PPARA: variants seen among roughly 807,000 people sequenced by gnomAD.
PPARA encodes peroxisome proliferator-activated receptor alpha.
PPARA carries 22 observed loss-of-function variants against 42.2 expected under a neutral mutation model. That is an observed-to-expected ratio of 0.52 (90% CI 0.37 to 0.74). The LOEUF (loss-of-function observed/expected upper bound fraction) is 0.74. Among genes scored for constraint, PPARA ranks in the 30% least tolerant of loss-of-function variants. The probability of loss-of-function intolerance (pLI) is 0.00; values close to 1 mark genes in which losing one functional copy is unlikely to be tolerated. For missense variants in PPARA, 465 were observed against 608.2 expected (o/e 0.76, Z 2.48); for synonymous variants, 242 against 239.3 (o/e 1.01, Z -0.10).
At chr22:46,217,366 A>G (rs996241239) in intron 5 of PPARA, among the ~76,000 whole-genome samples, 2 of 152,192 alleles carry the variant, frequency 1.3e-5, no homozygotes, top group African/African-American at 4.8e-5. Flanking sequence ...ACCTTTGAAA[A>G]AGCTCCTTAT....
Position 46,204,558 on chromosome 22 carries a change from A to G in PPARA, c.208+5967A>G, listed in dbSNP as rs1401596623. On this transcript the variant is annotated intron_variant, in intron 4 of 8. Coordinates refer to ENST00000407236, the MANE Select transcript of PPARA (RefSeq NM_005036.6). This position sits in a 1 kb window ranked among gnomAD's most constrained non-coding sequence, Gnocchi z 5.2. ...ATGATCAGTCTTTTTAATTTTAACCATGTCAGTAGGTGTGTGATGGTCTCT... is the reference window on the plus strand; with the variant it reads ...ATGATCAGTCTTTTTAATTTTAACCGTGTCAGTAGGTGTGTGATGGTCTCT... Among the ~76,000 whole-genome samples the G allele has an allele frequency of 6.6e-6, 1 of 152,168 alleles. No individual in the cohort carries two copies. Among genetic ancestry groups the G allele is most frequent in the Admixed American group, 6.5e-5 (1 of 15,276 alleles).
In PPARA at chr22:46,198,737, T is replaced by G. The variant is rs1042084697; in HGVS notation, c.208+146T>G. ...GTGCAATGGCTCGATCTCGGCTCAC[T>G]GCAGGCTCCACCTCCTGGGTTCACA... is the stretch of plus-strand genomic sequence containing the variant. On this transcript the variant is annotated intron_variant, in intron 4 of 8. Transcript: ENST00000407236. 26 of 828,232 alleles carry G rather than the reference T, an allele frequency of 3.1e-5. No homozygotes were observed. The African/African-American group carries it at 4.4e-4, about 14-fold the overall frequency. 51.3% of individuals were successfully genotyped at this position (828,232 alleles called of 1,614,324 possible). A position where few individuals can be genotyped will look rare whatever the true frequency, so the allele number is the denominator to read the frequency against.
chr22:46,205,947 C>T (rs1420517965), intron 4 of PPARA, among the ~76,000 whole-genome samples: 3 of 151,750 alleles, frequency 2.0e-5, no homozygotes, highest in African/African-American at 7.3e-5. Flanking sequence ...ATATCTTTTC[C>T]CATTCTTTTT....
In PPARA at chr22:46,200,052, A is replaced by G. The variant is rs559661254; in HGVS notation, c.208+1461A>G. 2.0e-4 allele frequency among the ~76,000 whole-genome samples: 30 copies of G among 152,288 alleles called. 1 individual carries two copies. The South Asian group carries it at 5.8e-3, about 30-fold the overall frequency. On this transcript the variant is annotated intron_variant, in intron 4 of 8. Coordinates refer to ENST00000407236, the MANE Select transcript of PPARA (RefSeq NM_005036.6). The surrounding 1 kb of genome is among the most constrained non-coding windows in gnomAD (Gnocchi z 4.8). ...TAAAATCTTTAACACTAAACAATCTAGTACATCACTGGTGGAAACAGACAT... is the reference window on the plus strand; with the variant it reads ...TAAAATCTTTAACACTAAACAATCTGGTACATCACTGGTGGAAACAGACAT...
rs1437954446 is a variant in PPARA at position 46,243,022 on chromosome 22, T to C, written c.*7642T>C. 2.6e-5 allele frequency: 4 copies of C among 152,642 alleles called. No homozygotes were observed. Among genetic ancestry groups the C allele is most frequent in the Non-Finnish European group, 5.9e-5 (4 of 68,034 alleles). The allele number at this position is 152,642 out of a possible 1,614,324, so 9.5% of individuals were successfully genotyped here. A position where few individuals can be genotyped will look rare whatever the true frequency, so the allele number is the denominator to read the frequency against. On this transcript the variant is annotated 3_prime_UTR_variant, in exon 9 of 9. Coordinates refer to ENST00000407236, the MANE Select transcript of PPARA (RefSeq NM_005036.6). This position sits in a 1 kb window ranked among gnomAD's most constrained non-coding sequence, Gnocchi z 5.0. ...GGTTATTACCAAAGAACGCTGGCAA[T>C]TGGAAATGTCCTGATGGAAATTCTT...
intron 2 of PPARA, among the ~76,000 whole-genome samples, chr22:46,174,670 A>G (rs970783297): frequency 6.6e-6 from 1 of 152,132 alleles, no homozygotes; most frequent in African/African-American, 2.4e-5. Flanking sequence ...TTAAAAAATT[A>G]TCCAGGCATC....
At position 46,234,245 on chromosome 22, in the gene PPARA, C is replaced by T. The variant is rs569787549; in HGVS notation, c.1160-888C>T. Among the ~76,000 whole-genome samples the T allele has an allele frequency of 4.6e-5, 7 of 152,206 alleles. No homozygotes were observed. The highest frequency in any genetic ancestry group is 1.7e-4 in the African/African-American group (7 of 41,520). On this transcript the variant is annotated intron_variant, in intron 8 of 8. Coordinates refer to ENST00000407236, the MANE Select transcript of PPARA (RefSeq NM_005036.6). This position sits in a 1 kb window ranked among gnomAD's most constrained non-coding sequence, Gnocchi z 5.8. Reference sequence around the variant, plus strand: ...TAAGCAACAGAGCAAGACCCCATCACTAAAACAATACAAAAACAAGAATTT... The same window carrying T: ...TAAGCAACAGAGCAAGACCCCATCATTAAAACAATACAAAAACAAGAATTT...
chr22:46,235,341 G>C lies in PPARA; in HGVS notation c.1368G>C (p.Leu456=). 1 of 1,613,836 alleles carries C rather than the reference G, an allele frequency of 6.2e-7. No individual in the cohort carries two copies. ...AGAAGACGGAGTCGGATGCTGCGCT[G>C]CACCCGCTACTGCAGGAGATCTACA... The part of the protein sequence containing the change: ...IIKKTESDAA[L]HPLLQEIYRD... Residue 456 remains leucine, a synonymous_variant, in exon 9 of 9, where the codon CTG becomes CTC. Transcript: ENST00000407236. This position sits in a 1 kb window ranked among gnomAD's most constrained non-coding sequence, Gnocchi z 7.0.
chr22:46,176,357 G>A (rs774859140), intron 2 of PPARA, among the ~76,000 whole-genome samples: 1 of 151,924 alleles, frequency 6.6e-6, no homozygotes, highest in Non-Finnish European at 1.5e-5. Context: ...ATGCTGGCAT[G>A]TGCCTGCAAT....
chr22:46,175,641 G>A (rs979186583), intron 2 of PPARA, among the ~76,000 whole-genome samples: 17 of 151,958 alleles, frequency 1.1e-4, no homozygotes, highest in African/African-American at 4.1e-4. Flanking sequence ...GTGGACCCGG[G>A]AGACGGAGCT....
rs891226756 is a variant in PPARA, at chr22:46,183,157, G to A, written c.-43+6321G>A. ...CCACACTCGGGTGCCCCAATGTGGC[G>A]GTGCTTACAGAAATGACTCCATCTG... On this transcript the variant is annotated intron_variant, in intron 3 of 8. Coordinates refer to ENST00000407236, the MANE Select transcript of PPARA (RefSeq NM_005036.6). The surrounding 1 kb of genome is among the most constrained non-coding windows in gnomAD (Gnocchi z 5.5). Among the ~76,000 whole-genome samples, 4 of 152,176 alleles carry A rather than the reference G, an allele frequency of 2.6e-5. No individual in the cohort carries two copies. Among genetic ancestry groups the A allele is most frequent in the Non-Finnish European group, 4.4e-5 (3 of 68,024 alleles).
rs762224916 is a variant in PPARA, at chr22:46,235,335, T to C, written c.1362T>C (p.Ala454=). The part of the protein sequence containing the change: ...VQIIKKTESD[A]ALHPLLQEIY... Reference sequence around the variant, plus strand: ...TCATCAAGAAGACGGAGTCGGATGCTGCGCTGCACCCGCTACTGCAGGAGA... The same window carrying C: ...TCATCAAGAAGACGGAGTCGGATGCCGCGCTGCACCCGCTACTGCAGGAGA... Residue 454 remains alanine (A), a synonymous_variant, in exon 9 of 9, where the codon GCT becomes GCC. Coordinates refer to ENST00000407236, the MANE Select transcript of PPARA (RefSeq NM_005036.6). The surrounding 1 kb of genome is among the most constrained non-coding windows in gnomAD (Gnocchi z 7.0). 4.3e-6 allele frequency: 7 copies of C among 1,614,088 alleles called. No individual in the cohort carries two copies. Among genetic ancestry groups the C allele is most frequent in the Middle Eastern group, 1.7e-4 (1 of 6,060 alleles).
chr22:46,178,030 A>C (rs1441184482), intron 3 of PPARA, among the ~76,000 whole-genome samples: 2 of 152,032 alleles, frequency 1.3e-5, no homozygotes, highest in Non-Finnish European at 2.9e-5. Flanking sequence ...TATAGATCTA[A>C]GGAGGTCTAT....
intron 3 of PPARA, among the ~76,000 whole-genome samples, chr22:46,177,784 AGGC>A (rs5845739): frequency 0.034 from 5,124 of 152,134 alleles, 143 homozygotes; most frequent in Admixed American, 0.065. Flanking sequence ...TCAGAACCTC[AGGC>A]GTGTAGCCAG....
At chr22:46,189,712 C>CT (rs1011874089) in intron 3 of PPARA, among the ~76,000 whole-genome samples, 5,252 of 143,080 alleles carry the variant, frequency 0.037, 111 homozygotes, top group Middle Eastern at 0.064. Flanking sequence ...TATTTTTTTT[C>CT]TTTTTTTTTT....
At position 46,219,421 on chromosome 22, in the gene PPARA, A is replaced by T. The variant is rs1934814734; in HGVS notation, c.509-391A>T. Reference sequence around the variant, plus strand: ...ATTGTGATGTGAATGTAAGTCGTTCATAAGAGTTGCATGTCTACCTTCTGG... The same window carrying T: ...ATTGTGATGTGAATGTAAGTCGTTCTTAAGAGTTGCATGTCTACCTTCTGG... On this transcript the variant is annotated intron_variant, in intron 6 of 8. Coordinates refer to ENST00000407236, the MANE Select transcript of PPARA (RefSeq NM_005036.6). The surrounding 1 kb of genome is among the most constrained non-coding windows in gnomAD (Gnocchi z 4.8). Among the ~76,000 whole-genome samples, 1 of 152,252 alleles carries T rather than the reference A, an allele frequency of 6.6e-6. No individual in the cohort carries two copies. Among genetic ancestry groups the T allele is most frequent in the East Asian group, 1.9e-4 (1 of 5,200 alleles).
chr22:46,215,200 C>G lies in PPARA; in HGVS notation c.236C>G (p.Ser79Cys), dbSNP rs759896371. 4.3e-6 allele frequency: 7 copies of G among 1,614,150 alleles called. No individual in the cohort carries two copies. The South Asian group carries it at 7.7e-5, about 18-fold the overall frequency. ...TDTLSPASSPSSVTYPVVPGS... is the reference protein window; with the variant it reads ...TDTLSPASSPCSVTYPVVPGS... ...ACGCTTTCACCAGCTTCGAGCCCCT[C>G]CTCGGTGACTTATCCTGTGGTCCCC... The change falls in exon 5 of 9, where the codon TCC becomes TGC. Residue 79 changes from serine to cysteine, a missense_variant. By Grantham distance (112) the Ser-to-Cys change is moderately radical. Transcript: ENST00000407236.
At position 46,222,246 on chromosome 22, in the gene PPARA, CTT is replaced by C. The variant is rs1198581899; in HGVS notation, c.711+2234_711+2235del. On this transcript the variant is annotated intron_variant, in intron 7 of 8. Transcript: ENST00000407236. This position sits in a 1 kb window ranked among gnomAD's most constrained non-coding sequence, Gnocchi z 5.9. ...CCCCCTCCCCAACAGTTAAATAAGTCTTTGTCTCCATTACAAAACAAATCTCA... is the reference window on the plus strand; with the variant it reads ...CCCCCTCCCCAACAGTTAAATAAGTCTGTCTCCATTACAAAACAAATCTCA... Among the ~76,000 whole-genome samples, 16 of 151,966 alleles carry C rather than the reference CTT, an allele frequency of 1.1e-4. No individual in the cohort carries two copies. Among genetic ancestry groups the C allele is most frequent in the Admixed American group, 9.8e-4 (15 of 15,242 alleles).
chr22:46,165,105 G>C lies in PPARA; in HGVS notation c.-126-11648G>C, dbSNP rs1926841175. On this transcript the variant is annotated intron_variant, in intron 2 of 8. Coordinates refer to ENST00000407236, the MANE Select transcript of PPARA (RefSeq NM_005036.6). This position sits in a 1 kb window ranked among gnomAD's most constrained non-coding sequence, Gnocchi z 5.5. ...GGCTAGAGTGCAATGCCATGATCTC[G>C]GCTCACTGCAACCTCTGCCTCCGGG... 6.6e-6 allele frequency: 1 copy of C among 152,116 alleles called. No individual in the cohort carries two copies. The highest frequency in any genetic ancestry group is 2.4e-5 in the African/African-American group (1 of 41,384). 9.4% of individuals were successfully genotyped at this position (152,116 alleles called of 1,614,324 possible).
Sources: allele counts gnomAD v4.1 joint callset (sites outside exome capture counted in the v4.1 genomes callset), GRCh38; gene constraint gnomAD v4.1.1; non-coding constraint Gnocchi (gnomAD v3.1); transcripts MANE v1.5; gene names NCBI Gene and HGNC (gene_info 2026-07-23, HGNC 2026-07-21).